SNX14: variants seen among roughly 807,000 people sequenced by gnomAD.
SNX14 encodes sorting nexin 14.
SNX14 carries 93 observed loss-of-function variants against 133.8 expected under a neutral mutation model. That is an observed-to-expected ratio of 0.70 (90% CI 0.59 to 0.83). The LOEUF is 0.83. Among genes scored for constraint, SNX14 ranks in the 40% least tolerant of loss-of-function variants. The pLI, the probability that SNX14 is intolerant of heterozygous loss-of-function variation, is 0.00. For missense variants in SNX14, 945 were observed against 1,094.9 expected, an observed-to-expected ratio of 0.86 and a Z score of 1.93; for synonymous variants, 368 against 365.6, an observed-to-expected ratio of 1.01 and a Z score of -0.07.
chr6:85,537,201 T>G (rs1299910136), intron 16 of SNX14, among the ~76,000 whole-genome samples: 1 of 152,140 alleles, frequency 6.6e-6, no homozygotes, highest in Non-Finnish European at 1.5e-5. Flanking sequence ...CTTCAAAATA[T>G]TAACAGGATT....
chr6:85,522,021 T>C (rs1777059284), intron 21 of SNX14, among the ~76,000 whole-genome samples: 1 of 152,262 alleles, frequency 6.6e-6, no homozygotes, highest in African/African-American at 2.4e-5. Flanking sequence ...ATGTAGGTTC[T>C]TGACACCTCT....
chr6:85,506,745 A>T (rs1454901482), intron 28 of SNX14, among the ~76,000 whole-genome samples: 1 of 152,262 alleles, frequency 6.6e-6, no homozygotes, highest in African/African-American at 2.4e-5. Flanking sequence ...TAGTCAAAAA[A>T]TAAGACAGAA....
chr6:85,542,130 T>C (rs945515440), intron 14 of SNX14, 87 bp from the exon 15 acceptor site: 126 of 908,708 alleles, frequency 1.4e-4, no homozygotes, highest in Non-Finnish European at 1.8e-4. Flanking sequence ...TTTCCAGTTT[T>C]GGGAAAAAAA....
At chr6:85,591,471 C>G (rs1181454196) in intron 1 of SNX14, among the ~76,000 whole-genome samples, 1 of 152,180 alleles carries the variant, frequency 6.6e-6, no homozygotes, top group African/African-American at 2.4e-5. Context: ...CCCAACCACT[C>G]AGGTAACATT....
Position 85,514,578 on chromosome 6 carries a change from T to C in SNX14, c.2320A>G (p.Arg774Gly), listed in dbSNP as rs751420138. 1 of 1,613,320 alleles carries C rather than the reference T, an allele frequency of 6.2e-7. No homozygotes were observed. Among genetic ancestry groups the C allele is most frequent in the Non-Finnish European group, 8.5e-7 (1 of 1,179,650 alleles). Residue 774 changes from arginine to glycine, a missense_variant, in exon 24 of 29, where the codon AGA (arginine) becomes GGA (glycine). Arg to Gly is a moderately radical substitution (Grantham distance 125). Transcript: ENST00000314673. ...NNANRAENTE[R>G]KQNQNYFMEV... The stretch of plus-strand genomic sequence containing the variant: ...ATAAAATAATTCTGATTTTGCTTTC[T>C]CTCTGTATTTTCAGCACGGTTTGCA...
At chr6:85,572,438 A>G (rs1795949753) in intron 2 of SNX14, 64 bp from the exon 3 acceptor site, 1 of 1,286,634 alleles carries the variant, frequency 7.8e-7, no homozygotes, top group Non-Finnish European at 1.1e-6. Flanking sequence ...TATTTAAAAG[A>G]ATCAACTTTT....
intron 8 of SNX14, among the ~76,000 whole-genome samples, 196 bp from the exon 9 acceptor site, chr6:85,548,572 T>C (rs1180811196): frequency 2.0e-5 from 3 of 152,096 alleles, no homozygotes; most frequent in South Asian, 2.1e-4. Flanking sequence ...AGAACACACG[T>C]TGAATAGCAA....
chr6:85,578,783 GTGAC>G (rs1262140283), intron 1 of SNX14, among the ~76,000 whole-genome samples: 4 of 152,180 alleles, frequency 2.6e-5, no homozygotes, highest in Non-Finnish European at 5.9e-5. Context: ...CAGGGACAGT[GTGAC>G]TGACTAAATG....
At chr6:85,537,893 C>T (rs544390324) in intron 16 of SNX14, among the ~76,000 whole-genome samples, 1 of 152,258 alleles carries the variant, frequency 6.6e-6, no homozygotes, top group African/African-American at 2.4e-5. Flanking sequence ...CACCACTGCA[C>T]TCCAGCCTGG....
At chr6:85,515,778 A>G (rs1278190937) in intron 23 of SNX14, among the ~76,000 whole-genome samples, 2 of 151,624 alleles carry the variant, frequency 1.3e-5, no homozygotes, top group Non-Finnish European at 2.9e-5. Flanking sequence ...TTTTTTTTTC[A>G]CTAAAAAACA....
intron 21 of SNX14, among the ~76,000 whole-genome samples, chr6:85,518,503 G>T (rs962999830): frequency 6.6e-6 from 1 of 152,124 alleles, no homozygotes. Context: ...TTTATATTCT[G>T]AATTTTAGAT....
chr6:85,509,286 T>G (rs1277781599), intron 26 of SNX14, among the ~76,000 whole-genome samples: 2 of 152,150 alleles, frequency 1.3e-5, no homozygotes, highest in Non-Finnish European at 2.9e-5. Flanking sequence ...GTATCAAAGC[T>G]GAGACTGTTG....
At chr6:85,535,661 A>AT (rs1781729762) in intron 17 of SNX14, among the ~76,000 whole-genome samples, 2 of 151,984 alleles carry the variant, frequency 1.3e-5, no homozygotes, top group Non-Finnish European at 2.9e-5. Flanking sequence ...AAATAAAGGC[A>AT]TAAAAAAACG....
intron 26 of SNX14, among the ~76,000 whole-genome samples, chr6:85,510,746 C>T (rs1772501322): frequency 6.6e-6 from 1 of 152,192 alleles, no homozygotes. Context: ...TACAGTTTTG[C>T]TGTAAACTGT....
intron 1 of SNX14, among the ~76,000 whole-genome samples, chr6:85,585,741 A>G (rs1800616508): frequency 6.6e-6 from 1 of 152,212 alleles, no homozygotes; most frequent in African/African-American, 2.4e-5. Flanking sequence ...TACAAAAAAG[A>G]ATCAAACTTA....
At chr6:85,520,098 G>A (rs1054529659) in intron 21 of SNX14, among the ~76,000 whole-genome samples, 2 of 151,984 alleles carry the variant, frequency 1.3e-5, no homozygotes, top group African/African-American at 4.8e-5. Context: ...CGCCCAGGCT[G>A]GAGTGCAGTG....
intron 1 of SNX14, among the ~76,000 whole-genome samples, chr6:85,587,972 C>T (rs1801504653): frequency 6.6e-6 from 1 of 152,040 alleles, no homozygotes; most frequent in Non-Finnish European, 1.5e-5. Flanking sequence ...GAGCGGGGGG[C>T]AGGGTGTGTG....
chr6:85,580,413 G>T (rs1392351647), intron 1 of SNX14, among the ~76,000 whole-genome samples: 2 of 152,176 alleles, frequency 1.3e-5, no homozygotes, highest in Non-Finnish European at 2.9e-5. Context: ...CACATTCACT[G>T]CTCTGATGGC....
intron 12 of SNX14, among the ~76,000 whole-genome samples, chr6:85,545,869 G>T (rs1785312405): frequency 6.6e-6 from 1 of 152,144 alleles, no homozygotes; most frequent in South Asian, 2.1e-4. Flanking sequence ...TTTTTGTCGA[G>T]ACAGGGTTTC....
Sources: gnomAD v4.1 joint callset for allele counts (sites outside exome capture counted in the v4.1 genomes callset) on GRCh38, gnomAD v4.1.1 for gene constraint, MANE v1.5 for transcripts, NCBI Gene and HGNC (gene_info 2026-07-23, HGNC 2026-07-21) for gene names.